The following UNC80 variants were observed in gnomAD, a reference collection of about 807,000 sequenced individuals.
UNC80 encodes unc-80 subunit of NALCN channel complex.
A neutral mutation model predicts 384.6 loss-of-function variants in UNC80; 164 were observed. The observed-to-expected ratio is 0.43, with a 90% CI of 0.38 to 0.49. The LOEUF is 0.49. Ranked by LOEUF, UNC80 falls within the 20% of genes least tolerant of loss-of-function variation. UNC80 has a pLI of 0.00. For missense variants in UNC80, 3,330 were observed against 4,143.0 expected (o/e 0.80, Z 5.39); for synonymous variants, 1,486 against 1,527.8 (o/e 0.97, Z 0.64).
At chr2:209,810,399 A>G (rs988460918) in intron 7 of UNC80, among the ~76,000 whole-genome samples, 13 of 152,194 alleles carry the variant, frequency 8.5e-5, no homozygotes, top group African/African-American at 3.1e-4. Flanking sequence ...CAGTTTATTG[A>G]TATCCAATAA....
chr2:209,973,724 C>G (rs984436373), intron 56 of UNC80, among the ~76,000 whole-genome samples: 1 of 152,166 alleles, frequency 6.6e-6, no homozygotes, highest in Non-Finnish European at 1.5e-5. Context: ...CATTGCACAA[C>G]ATGTGGGGCT....
At chr2:209,793,612 A>C (rs959254379) in intron 6 of UNC80, 108 bp from the exon 7 acceptor site, 1 of 1,361,256 alleles carries the variant, frequency 7.3e-7, no homozygotes, top group African/African-American at 1.5e-5. Context: ...AAAAAAGCCC[A>C]TATATGGAAC....
In UNC80 at chr2:209,789,546, C is replaced by A; in HGVS notation, c.739C>A (p.Pro247Thr). The change falls in exon 6 of 65, where the codon CCT becomes ACT. Residue 247 changes from proline (P) to threonine (T), a missense_variant. Around this residue, in one of 8 missense-constraint regions of UNC80, gnomAD observed 937 missense variants for 1,026.8 expected, o/e 0.91. Transcript: ENST00000673920. ...CGTCTTTTCAGCTAAGAGAAGTTCT[C>A]CTATCAACAGTCAAAGCCGGACCTG... ...RNIITAKRSS[P>T]INSQSRTCES... 6.2e-7 allele frequency: 1 copy of A among 1,613,160 alleles called. No individual in the cohort carries two copies. Among genetic ancestry groups the A allele is most frequent in the Non-Finnish European group, 8.5e-7 (1 of 1,179,382 alleles).
At chr2:209,830,034 T>G (rs2080841200) in intron 15 of UNC80, among the ~76,000 whole-genome samples, 1 of 152,208 alleles carries the variant, frequency 6.6e-6, no homozygotes. Context: ...GGCAGTCCAG[T>G]GTGAATGCAA....
chr2:209,935,785 A>T lies in UNC80; in HGVS notation c.6250A>T (p.Thr2084Ser), dbSNP rs956787391. 17 of 1,541,210 alleles carry T rather than the reference A, an allele frequency of 1.1e-5. No individual in the cohort carries two copies. In the Admixed American group the frequency reaches 3.5e-4, roughly 32 times the overall value. ...IPTQLPVHED[T>S]QFEALLKECL... ...AACCCAGTTACCAGTCCATGAAGAC[A>T]CTCAATTTGAAGCCCTGTTGAAGGT... Residue 2084 changes from threonine to serine, a missense_variant, in exon 40 of 65, where the codon ACT (threonine) becomes TCT (serine). By Grantham distance (58) the Thr-to-Ser change is moderately conservative. Around this residue, in one of 8 missense-constraint regions of UNC80, gnomAD observed 1,049 missense variants for 1,488.6 expected, o/e 0.70. Transcript: ENST00000673920.
chr2:209,863,654 G>A lies in UNC80; in HGVS notation c.3628-9104G>A, dbSNP rs1227148269. 1.3e-5 allele frequency among the ~76,000 whole-genome samples: 2 copies of A among 151,684 alleles called. 1 individual carries two copies. Among genetic ancestry groups the A allele is most frequent in the Non-Finnish European group, 2.9e-5 (2 of 67,964 alleles). On this transcript the variant is annotated intron_variant, in intron 22 of 64. Coordinates refer to ENST00000673920, the MANE Select transcript of UNC80 (RefSeq NM_001371986.1). ...CTATTGATACTTGTGTGTGCTTCAC[G>A]AAGTTCTCATACTGTGTTTTTCAGC...
At chr2:209,790,060 C>A (rs1028646101) in intron 6 of UNC80, among the ~76,000 whole-genome samples, 1 of 151,688 alleles carries the variant, frequency 6.6e-6, no homozygotes, top group Non-Finnish European at 1.5e-5. Flanking sequence ...TAGTCCTACC[C>A]CTTAAGGAAT....
At chr2:209,891,448 C>A (rs2124911870) in intron 26 of UNC80, among the ~76,000 whole-genome samples, 1 of 152,120 alleles carries the variant, frequency 6.6e-6, no homozygotes, top group South Asian at 2.1e-4. Flanking sequence ...GCAGTCTTTT[C>A]TTTCCTTATT....
At chr2:209,946,973 A>G (rs1424242818) in intron 47 of UNC80, among the ~76,000 whole-genome samples, 1 of 152,130 alleles carries the variant, frequency 6.6e-6, no homozygotes, top group African/African-American at 2.4e-5. Flanking sequence ...GTTTTCCCCA[A>G]TATTCTCGAA....
chr2:209,819,448 G>A (rs1047621085), intron 12 of UNC80, among the ~76,000 whole-genome samples, 187 bp downstream of exon 12: 4 of 151,622 alleles, frequency 2.6e-5, no homozygotes, highest in South Asian at 2.1e-4. Flanking sequence ...TTTTTTTCAA[G>A]CATTGCATTA....
At chr2:209,858,850 C>G (rs540198265) in intron 22 of UNC80, among the ~76,000 whole-genome samples, 21 of 151,876 alleles carry the variant, frequency 1.4e-4, no homozygotes, top group Non-Finnish European at 2.8e-4. Flanking sequence ...ATTTATTACA[C>G]TTTTTATTTT....
chr2:209,797,750 G>A (rs749127801), intron 7 of UNC80, among the ~76,000 whole-genome samples: 10 of 152,082 alleles, frequency 6.6e-5, no homozygotes, highest in Admixed American at 5.2e-4. Context: ...CTTCCACAAC[G>A]GTTGAACTAA....
intron 7 of UNC80, chr2:209,809,324 T>C: frequency 2.6e-6 from 2 of 780,848 alleles, no homozygotes; most frequent in Non-Finnish European, 4.7e-6. Flanking sequence ...ACGCTGCCCT[T>C]CGCCTGCGAA....
chr2:209,829,477 G>A, intron 15 of UNC80, 98 bp downstream of exon 15: 1 of 1,322,152 alleles, frequency 7.6e-7, no homozygotes, highest in East Asian at 2.5e-5. Context: ...AGAATTTAGA[G>A]GAAAAGATAC....
chr2:209,868,676 A>T (rs10490025), intron 22 of UNC80, among the ~76,000 whole-genome samples: 26,459 of 152,144 alleles, frequency 0.17, 3,194 homozygotes, highest in African/African-American at 0.34. Context: ...TGTAGACTGT[A>T]AGAGACTCCC....
chr2:209,885,665 T>G (rs554701650), intron 25 of UNC80, among the ~76,000 whole-genome samples: 44 of 152,228 alleles, frequency 2.9e-4, no homozygotes, highest in African/African-American at 9.9e-4. Context: ...TATATTTTTC[T>G]GGGTGTGATA....
chr2:209,935,435 A>T (rs2091181321), intron 39 of UNC80, among the ~76,000 whole-genome samples: 2 of 152,326 alleles, frequency 1.3e-5, no homozygotes, highest in South Asian at 2.1e-4. Flanking sequence ...CAGCTTGGAC[A>T]ACATGGCGAA....
chr2:209,794,610 T>A (rs1019505535), intron 7 of UNC80, among the ~76,000 whole-genome samples: 20 of 152,230 alleles, frequency 1.3e-4, no homozygotes, highest in African/African-American at 4.8e-4. Context: ...AATCTCAACT[T>A]GAATTGTATC....
chr2:209,927,027 G>A, intron 36 of UNC80, 41 bp downstream of exon 36: 2 of 1,546,882 alleles, frequency 1.3e-6, no homozygotes, highest in Non-Finnish European at 1.7e-6. Context: ...ACATTCTTAA[G>A]CTGTTTATCT....
Sources: allele counts gnomAD v4.1 joint callset (sites outside exome capture counted in the v4.1 genomes callset), GRCh38; gene constraint gnomAD v4.1.1; regional missense constraint gnomAD v4.1.1; transcripts MANE v1.5; gene names NCBI Gene and HGNC (gene_info 2026-07-23, HGNC 2026-07-21).